The following PJA2 variants were observed in gnomAD, a reference collection of about 807,000 sequenced individuals.
The protein encoded by PJA2 is E3 ubiquitin-protein ligase Praja-2.
A neutral mutation model predicts 69.3 loss-of-function variants in PJA2; 25 were observed. The ratio of observed to expected loss-of-function variants is 0.36; its 90% CI spans 0.26 to 0.50. The LOEUF (loss-of-function observed/expected upper bound fraction) is 0.50, where lower values mean the gene tolerates loss of function less well. Among genes scored for constraint, PJA2 ranks in the 20% least tolerant of loss-of-function variants. PJA2 has a pLI of 0.96. For synonymous variants in PJA2, 308 were observed against 277.8 expected, an observed-to-expected ratio of 1.11 and a Z score of -1.08; for missense variants, 809 against 830.2, an observed-to-expected ratio of 0.97 and a Z score of 0.31.
chr5:109,344,372 G>A, intron 8 of PJA2, 61 bp from the exon 9 acceptor site: 1 of 1,522,380 alleles, frequency 6.6e-7, no homozygotes, highest in East Asian at 2.3e-5. Flanking sequence ...AAACTGAAAA[G>A]CAACATATTA....
intron 1 of PJA2, among the ~76,000 whole-genome samples, chr5:109,403,743 A>C (rs920273580): frequency 1.3e-5 from 2 of 148,336 alleles, no homozygotes; most frequent in African/African-American, 5.1e-5. Context: ...ACCTGACTAA[A>C]ATCAACATCC....
chr5:109,368,623 A>C lies in PJA2; in HGVS notation c.1407T>G (p.Pro469=). 6.2e-7 allele frequency: 1 copy of C among 1,614,066 alleles called. No homozygotes were observed. Among genetic ancestry groups the C allele is most frequent in the Non-Finnish European group, 8.5e-7 (1 of 1,179,962 alleles). ...GGCCACTGCTATCACTTTGTAGCTC[A>C]GGTTCATTCTCATCTTTTCCTGGCA... is the stretch of plus-strand genomic sequence containing the variant. ...ETLPGKDENE[P]ELQSDSSGPE... The change falls in exon 5 of 10, where the codon CCT becomes CCG. Residue 469 remains proline, a synonymous_variant. Transcript: ENST00000361189.
intron 4 of PJA2, among the ~76,000 whole-genome samples, chr5:109,370,297 T>C (rs1186768196): frequency 6.6e-6 from 1 of 152,168 alleles, no homozygotes; most frequent in Non-Finnish European, 1.5e-5. Context: ...GTTTACATTT[T>C]TGAAAGGAAG....
In PJA2 at chr5:109,350,568, A is replaced by G. The variant is rs1050145597; in HGVS notation, c.1764+5347T>C. Among the ~76,000 whole-genome samples the G allele has an allele frequency of 5.3e-5, 8 of 152,362 alleles. No homozygotes were observed. The South Asian group carries it at 1.0e-3, about 20-fold the overall frequency. ...GTTGACTATTGATTTGAATAAACCT[A>G]TATGAATATACTATTTACTGAGAGA... On this transcript the variant is annotated intron_variant, in intron 7 of 9. Transcript: ENST00000361189.
At chr5:109,409,228 GAA>G (rs1441414450) in intron 1 of PJA2, 3 of 152,270 alleles carry the variant, frequency 2.0e-5, no homozygotes, top group African/African-American at 7.2e-5. Context: ...AGCCCTGGCG[GAA>G]AGGTGCTGAT....
At chr5:109,409,796 G>A (rs1357897494) in intron 1 of PJA2, 46 bp downstream of exon 1, 3 of 150,986 alleles carry the variant, frequency 2.0e-5, no homozygotes, top group African/African-American at 5.0e-5. Flanking sequence ...CCACACTCCC[G>A]ACAGCGGAAC....
intron 6 of PJA2, among the ~76,000 whole-genome samples, chr5:109,356,381 A>G (rs1762412991): frequency 6.6e-6 from 1 of 152,214 alleles, no homozygotes; most frequent in Admixed American, 6.5e-5. Context: ...AAATGTGCCA[A>G]TGAGTATTTC....
chr5:109,401,311 C>G (rs902475212), intron 1 of PJA2, among the ~76,000 whole-genome samples: 3 of 152,040 alleles, frequency 2.0e-5, no homozygotes, highest in African/African-American at 7.2e-5. Context: ...CCACCAATGA[C>G]AGCCTGGGCA....
In PJA2 at chr5:109,344,760, A is replaced by G. The variant is rs2126987346; in HGVS notation, c.1824T>C (p.Ala608=). The stretch of plus-strand genomic sequence containing the variant: ...GAAGACCATCAATGCTTTCCTTACT[A>G]GCTGGTGGATTGGCCACCTCAACAT... ...AVDVEVANPP[A]SKESIDGLPE... Residue 608 remains alanine (A), a synonymous_variant, in exon 8 of 10, where the codon GCT becomes GCC. Coordinates refer to ENST00000361189, the MANE Select transcript of PJA2 (RefSeq NM_014819.5). 12 of 1,614,128 alleles carry G rather than the reference A, an allele frequency of 7.4e-6. No individual in the cohort carries two copies. The highest frequency in any genetic ancestry group is 1.0e-5 in the Non-Finnish European group (12 of 1,179,992).
intron 9 of PJA2, among the ~76,000 whole-genome samples, chr5:109,340,261 TCATA>T (rs1451798895): frequency 2.0e-5 from 3 of 152,290 alleles, no homozygotes; most frequent in Non-Finnish European, 4.4e-5. Flanking sequence ...ATGGGTTATC[TCATA>T]CAGAGATATT....
intron 6 of PJA2, among the ~76,000 whole-genome samples, chr5:109,356,933 G>A (rs1266670690): frequency 1.1e-4 from 16 of 151,986 alleles, no homozygotes; most frequent in Admixed American, 9.2e-4. Context: ...TGAACATATC[G>A]AGATTCCTCC....
At chr5:109,348,596 TG>T in intron 7 of PJA2, among the ~76,000 whole-genome samples, 2 of 152,186 alleles carry the variant, frequency 1.3e-5, no homozygotes, top group Non-Finnish European at 2.9e-5. Flanking sequence ...TTGAAAACCC[TG>T]TGATAATCTC....
At chr5:109,370,868 G>C (rs936356576) in intron 4 of PJA2, among the ~76,000 whole-genome samples, 2 of 152,042 alleles carry the variant, frequency 1.3e-5, no homozygotes, top group Non-Finnish European at 2.9e-5. Flanking sequence ...TTTTCACTCA[G>C]AATATGATCC....
intron 7 of PJA2, 24 bp downstream of exon 7, chr5:109,355,891 T>G (rs373243278): frequency 1.3e-6 from 2 of 1,506,414 alleles, no homozygotes; most frequent in Non-Finnish European, 1.8e-6. Flanking sequence ...AACTTATATA[T>G]GGAGATCAGA....
intron 3 of PJA2, among the ~76,000 whole-genome samples, chr5:109,381,170 A>G (rs1747038667): frequency 6.6e-6 from 1 of 152,088 alleles, no homozygotes; most frequent in Admixed American, 6.6e-5. Context: ...CAGGGAAAAA[A>G]TATCTCTACT....
chr5:109,336,440 G>A lies in PJA2; in HGVS notation c.*791C>T, dbSNP rs1174138494. On this transcript the variant is annotated 3_prime_UTR_variant, in exon 10 of 10. Transcript: ENST00000361189. ...TGCCATGAGTGTTCTGGGCCTTCAA[G>A]TATAATTTTAACCAAGGAGAAACAG... 6.6e-6 allele frequency: 1 copy of A among 152,086 alleles called. No homozygotes were observed. Among genetic ancestry groups the A allele is most frequent in the Non-Finnish European group, 1.5e-5 (1 of 68,024 alleles). 9.4% of individuals were successfully genotyped at this position (152,086 alleles called of 1,614,324 possible).
chr5:109,335,192 T>C lies in PJA2; in HGVS notation c.*2039A>G, dbSNP rs1253780744. On this transcript the variant is annotated 3_prime_UTR_variant, in exon 10 of 10. Coordinates refer to ENST00000361189, the MANE Select transcript of PJA2 (RefSeq NM_014819.5). The stretch of plus-strand genomic sequence containing the variant: ...TTGTTACCATGAAAATCCTAAAACC[T>C]CAATTTTCTTTTTCTTTTTTAAAAT... 6.6e-6 allele frequency: 1 copy of C among 152,626 alleles called. No homozygotes were observed. Among genetic ancestry groups the C allele is most frequent in the Non-Finnish European group, 1.5e-5 (1 of 68,026 alleles). The allele number at this position is 152,626 out of a possible 1,614,324, so 9.5% of individuals were successfully genotyped here. A position where few individuals can be genotyped will look rare whatever the true frequency, so the allele number is the denominator to read the frequency against.
intron 1 of PJA2, among the ~76,000 whole-genome samples, chr5:109,402,570 A>AT (rs1345181728): frequency 6.6e-6 from 1 of 152,176 alleles, no homozygotes; most frequent in Non-Finnish European, 1.5e-5. Context: ...CAAACTTACC[A>AT]TTATACTTGG....
chr5:109,334,877 C>T lies in PJA2; in HGVS notation c.*2354G>A, dbSNP rs1761911131. On this transcript the variant is annotated 3_prime_UTR_variant, in exon 10 of 10. Transcript: ENST00000361189. The stretch of plus-strand genomic sequence containing the variant: ...TATGTATCTAACAAATACATAAATC[C>T]AGATCACAAATAATCTTAAGAGTTA... 1 of 152,436 alleles carries T rather than the reference C, an allele frequency of 6.6e-6. No homozygotes were observed. Among genetic ancestry groups the T allele is most frequent in the Non-Finnish European group, 1.5e-5 (1 of 68,008 alleles). The allele number at this position is 152,436 out of a possible 1,614,324, so 9.4% of individuals were successfully genotyped here.
Sources: gnomAD v4.1 joint callset for allele counts (sites outside exome capture counted in the v4.1 genomes callset) on GRCh38, gnomAD v4.1.1 for gene constraint, MANE v1.5 for transcripts, NCBI Gene and HGNC (gene_info 2026-07-23, HGNC 2026-07-21) for gene names.